The following HCN4 variants were observed in gnomAD, a reference collection of about 807,000 sequenced individuals.
HCN4 encodes the protein hyperpolarization activated cyclic nucleotide gated potassium channel 4, also known as potassium/sodium hyperpolarization-activated cyclic nucleotide-gated channel 4.
In HCN4, 29 loss-of-function variants were observed where a neutral mutation model predicts 76.9. The ratio of observed to expected loss-of-function variants is 0.38; its 90% CI spans 0.28 to 0.51. The LOEUF is 0.51. Ranked by LOEUF, HCN4 falls within the 20% of genes least tolerant of loss-of-function variation. The pLI is 0.90. For missense variants in HCN4, 1,416 were observed against 1,715.2 expected, an observed-to-expected ratio of 0.83 and a Z score of 3.08; for synonymous variants, 772 against 762.5, an observed-to-expected ratio of 1.01 and a Z score of -0.21.
In HCN4 at chr15:73,334,578, C is replaced by A. The variant is rs575825627; in HGVS notation, c.1210-2286G>T. 2.2e-4 allele frequency among the ~76,000 whole-genome samples: 34 copies of A among 152,102 alleles called. No individual in the cohort carries two copies. In the Middle Eastern group the frequency reaches 0.01, roughly 46 times the overall value. ...CACTAGCTCCCCAGCTCACCCAACCCCCTGGTGTCTGAGCTAAGACACCAG... is the reference window on the plus strand; with the variant it reads ...CACTAGCTCCCCAGCTCACCCAACCACCTGGTGTCTGAGCTAAGACACCAG... On this transcript the variant is annotated intron_variant, in intron 2 of 7. Transcript: ENST00000261917.
intron 2 of HCN4, chr15:73,335,360 G>C (rs2042957518): frequency 6.6e-6 from 1 of 152,292 alleles, no homozygotes; most frequent in Non-Finnish European, 1.5e-5. Flanking sequence ...CCCCAGGGTT[G>C]GAGAGTCCAG....
At chr15:73,334,698 C>G (rs756689171) in intron 2 of HCN4, among the ~76,000 whole-genome samples, 13 of 151,920 alleles carry the variant, frequency 8.6e-5, no homozygotes, top group Admixed American at 1.3e-4. Context: ...TCAGCCTCCC[C>G]CTCAAACAAG....
At chr15:73,354,259 T>G (rs2043068087) in intron 1 of HCN4, among the ~76,000 whole-genome samples, 1 of 152,174 alleles carries the variant, frequency 6.6e-6, no homozygotes, top group Admixed American at 6.5e-5. Context: ...CTAAGGTACC[T>G]CCCCATCCTG....
In HCN4 at chr15:73,323,176, C is replaced by A. The variant is rs200495478; in HGVS notation, c.2917G>T (p.Gly973Trp). The change falls in exon 8 of 8, where the codon GGG (glycine) becomes TGG (tryptophan). Residue 973 changes from glycine (G) to tryptophan (W), a missense_variant. Transcript: ENST00000261917. The stretch of plus-strand genomic sequence containing the variant: ...TCCCCGGGAGGCTGGCCCAGCTGCC[C>A]GGGGCTAGATGACGGGGATCTGGAT... ...PSSRSPSSSP[G>W]QLGQPPGELS... The A allele has an allele frequency of 1.4e-5, 21 of 1,554,386 alleles. No homozygotes were observed. The highest frequency in any genetic ancestry group is 1.8e-5 in the Non-Finnish European group (21 of 1,152,640).
chr15:73,343,406 T>G lies in HCN4; in HGVS notation c.1188A>C (p.Arg396=), dbSNP rs767681129. The change falls in exon 2 of 8, where the codon CGA becomes CGC. Residue 396 remains arginine (R), a synonymous_variant. Transcript: ENST00000261917. The surrounding 1 kb of genome is among the most constrained non-coding windows in gnomAD (Gnocchi z 5.7). The part of the protein sequence containing the change: ...LRLLRLSRLI[R]YIHQWEEIFH... ...TTACCTCTTCCCACTGGTGAATATA[T>G]CGAATGAGGCGGGAGAGGCGTAACA... is the stretch of plus-strand genomic sequence containing the variant. The G allele has an allele frequency of 6.2e-7, 1 of 1,614,022 alleles. No individual in the cohort carries two copies. The highest frequency in any genetic ancestry group is 8.5e-7 in the Non-Finnish European group (1 of 1,180,006).
At chr15:73,350,097 C>T (rs547109785) in intron 1 of HCN4, among the ~76,000 whole-genome samples, 4 of 152,324 alleles carry the variant, frequency 2.6e-5, no homozygotes, top group South Asian at 2.1e-4. Flanking sequence ...TCTTTCCTGC[C>T]GGCTCTTCTA....
chr15:73,347,482 T>A (rs1171958447), intron 1 of HCN4, among the ~76,000 whole-genome samples: 2 of 152,152 alleles, frequency 1.3e-5, no homozygotes, highest in Non-Finnish European at 2.9e-5. Context: ...ATGCTCCTGA[T>A]GCTAGGGCTG....
intron 1 of HCN4, among the ~76,000 whole-genome samples, chr15:73,346,157 A>G (rs1567788645): frequency 6.6e-6 from 1 of 152,162 alleles, no homozygotes; most frequent in Non-Finnish European, 1.5e-5. Flanking sequence ...TCTTTCCCAC[A>G]AACCACTACC....
chr15:73,342,689 A>G (rs1048605685), intron 2 of HCN4, among the ~76,000 whole-genome samples: 3 of 152,294 alleles, frequency 2.0e-5, no homozygotes, highest in African/African-American at 7.2e-5. Flanking sequence ...TTTCCTGGGA[A>G]TGCATCCCCA....
intron 1 of HCN4, among the ~76,000 whole-genome samples, chr15:73,353,121 A>C (rs945561106): frequency 6.6e-6 from 1 of 152,164 alleles, no homozygotes; most frequent in Non-Finnish European, 1.5e-5. Context: ...GAATTCACTA[A>C]ATCATTAACA....
intron 1 of HCN4, among the ~76,000 whole-genome samples, chr15:73,350,053 TG>T (rs1446230117): frequency 6.6e-6 from 1 of 152,230 alleles, no homozygotes; most frequent in Non-Finnish European, 1.5e-5. Flanking sequence ...CCTCCGGTGC[TG>T]CATCTCTGCA....
At chr15:73,362,223 C>A (rs987263211) in intron 1 of HCN4, among the ~76,000 whole-genome samples, 4 of 152,228 alleles carry the variant, frequency 2.6e-5, no homozygotes, top group Non-Finnish European at 5.9e-5. Context: ...TGGCTCAGCC[C>A]AGTTCACAGA....
chr15:73,357,001 C>T (rs2043084158), intron 1 of HCN4, among the ~76,000 whole-genome samples: 1 of 152,130 alleles, frequency 6.6e-6, no homozygotes, highest in Admixed American at 6.5e-5. Context: ...CTTGGGGATG[C>T]CCAGCTCATT....
At chr15:73,327,179 T>C (rs2042905390) in intron 4 of HCN4, among the ~76,000 whole-genome samples, 1 of 150,522 alleles carries the variant, frequency 6.6e-6, no homozygotes, top group African/African-American at 2.5e-5. Context: ...CAATCTTAGC[T>C]CACTGCAACC....
chr15:73,338,757 G>A lies in HCN4; in HGVS notation c.1209+4628C>T, dbSNP rs1345292306. Among the ~76,000 whole-genome samples the A allele has an allele frequency of 5.9e-5, 9 of 152,196 alleles. No homozygotes were observed. The East Asian group carries it at 1.7e-3, about 29-fold the overall frequency. On this transcript the variant is annotated intron_variant, in intron 2 of 7. Coordinates refer to ENST00000261917, the MANE Select transcript of HCN4 (RefSeq NM_005477.3). ...CCTCATGGAAGAACAACTTCCACCT[G>A]TGTCTCAAGAACAAGTGTCTGCGTT...
At position 73,323,375 on chromosome 15, in the gene HCN4, C is replaced by T. The variant is rs2042876254; in HGVS notation, c.2718G>A (p.Gly906=). 3.2e-6 allele frequency: 5 copies of T among 1,584,126 alleles called. No homozygotes were observed. The highest frequency in any genetic ancestry group is 4.3e-6 in the Non-Finnish European group (5 of 1,165,622). Residue 906 remains glycine (G), a synonymous_variant, in exon 8 of 8, where the codon GGG becomes GGA. Transcript: ENST00000261917. ...CCAGCGCCTTGTGGAAGTGGCCAAA[C>T]CCGGCTATGGTGGTGGCGGCTACGC... ...SAGVAATTIA[G]FGHFHKALGG...
At position 73,328,116 on chromosome 15, in the gene HCN4, T is replaced by C; in HGVS notation, c.1590+1457A>G. Among the ~76,000 whole-genome samples the C allele has an allele frequency of 6.6e-6, 1 of 151,756 alleles. No homozygotes were observed. Among genetic ancestry groups the C allele is most frequent in the East Asian group, 2.0e-4 (1 of 5,110 alleles). Reference sequence around the variant, plus strand: ...TATGGTTAATTACATCACCACAGAGTGCCGAGTGTGGTGAAGGAGGAGAGG... The same window carrying C: ...TATGGTTAATTACATCACCACAGAGCGCCGAGTGTGGTGAAGGAGGAGAGG... On this transcript the variant is annotated intron_variant, in intron 4 of 7. Coordinates refer to ENST00000261917, the MANE Select transcript of HCN4 (RefSeq NM_005477.3). This position sits in a 1 kb window ranked among gnomAD's most constrained non-coding sequence, Gnocchi z 4.0.
At chr15:73,326,739 A>ACT (rs1241837594) in intron 4 of HCN4, among the ~76,000 whole-genome samples, 1 of 151,490 alleles carries the variant, frequency 6.6e-6, no homozygotes, top group Non-Finnish European at 1.5e-5. Flanking sequence ...CCTAAAATAA[A>ACT]CTCTGATGCA....
chr15:73,338,933 C>T (rs1394414359), intron 2 of HCN4, among the ~76,000 whole-genome samples: 2 of 152,202 alleles, frequency 1.3e-5, no homozygotes, highest in African/African-American at 4.8e-5. Context: ...CTCCTTGTGT[C>T]ATCTCCACTT....
Sources: gnomAD v4.1 joint callset for allele counts (sites outside exome capture counted in the v4.1 genomes callset) on GRCh38, gnomAD v4.1.1 for gene constraint, Gnocchi (gnomAD v3.1) non-coding constraint, MANE v1.5 for transcripts, NCBI Gene and HGNC (gene_info 2026-07-23, HGNC 2026-07-21) for gene names.